TMEM68: variants seen among roughly 807,000 people sequenced by gnomAD.
TMEM68 encodes transmembrane protein 68.
In TMEM68, 25 loss-of-function variants were observed where a neutral mutation model predicts 36.9. The ratio of observed to expected loss-of-function variants is 0.68; its 90% CI spans 0.49 to 0.95. The LOEUF (loss-of-function observed/expected upper bound fraction) is 0.95, where lower values mean the gene tolerates loss of function less well. Ranked by LOEUF, TMEM68 falls within the 40% of genes least tolerant of loss-of-function variation. The pLI, the probability that TMEM68 is intolerant of heterozygous loss-of-function variation, is 0.00. For missense variants in TMEM68, 333 were observed against 392.0 expected, an observed-to-expected ratio of 0.85 and a Z score of 1.27; for synonymous variants, 131 against 124.4, an observed-to-expected ratio of 1.05 and a Z score of -0.35.
intron 6 of TMEM68, 56 bp downstream of exon 6, chr8:55,745,005 G>A (rs1312697654): frequency 1.7e-6 from 2 of 1,187,120 alleles, no homozygotes; most frequent in Non-Finnish European, 2.3e-6. Flanking sequence ...GGGTTCAACA[G>A]CCCAAATATT....
chr8:55,748,578 G>A (rs947939283), intron 5 of TMEM68, among the ~76,000 whole-genome samples: 2 of 151,804 alleles, frequency 1.3e-5, no homozygotes, highest in African/African-American at 2.4e-5. Flanking sequence ...AGGGAGGAAG[G>A]GGGGGAGAGA....
At chr8:55,757,692 C>A (rs1387767422) in intron 3 of TMEM68, among the ~76,000 whole-genome samples, 1 of 152,046 alleles carries the variant, frequency 6.6e-6, no homozygotes, top group Non-Finnish European at 1.5e-5. Flanking sequence ...CCTCACCAGC[C>A]CAGTGTCAGG....
chr8:55,767,083 CGTG>C lies in TMEM68; in HGVS notation c.-114-3106_-114-3104del, dbSNP rs1563440003. Among the ~76,000 whole-genome samples the C allele has an allele frequency of 2.2e-4, 16 of 72,380 alleles. 1 individual carries two copies. Among genetic ancestry groups the C allele is most frequent in the East Asian group, 4.3e-4 (1 of 2,326 alleles). The allele number at this position is 72,380 out of a possible 152,430, so 47.5% of individuals were successfully genotyped here. The stretch of plus-strand genomic sequence containing the variant: ...AATAGCATCTACCTAATAAGACTAT[CGTG>C]AAGATTACGTGTAAAAAAACCTAGC... On this transcript the variant is annotated intron_variant, in intron 1 of 7. Coordinates refer to ENST00000434581, the MANE Select transcript of TMEM68 (RefSeq NM_001286657.2).
At chr8:55,740,461 T>C (rs548446575) in intron 7 of TMEM68, among the ~76,000 whole-genome samples, 8 of 150,602 alleles carry the variant, frequency 5.3e-5, no homozygotes, top group South Asian at 2.1e-4. Context: ...CCACTGTGCC[T>C]GGCTGCAGCA....
chr8:55,742,387 T>C (rs1810127835), intron 7 of TMEM68, among the ~76,000 whole-genome samples: 2 of 152,176 alleles, frequency 1.3e-5, no homozygotes, highest in South Asian at 4.1e-4. Flanking sequence ...CATGTATGTG[T>C]TTTTACCATA....
intron 4 of TMEM68, among the ~76,000 whole-genome samples, chr8:55,755,654 T>C (rs117676501): frequency 0.031 from 4,725 of 151,916 alleles, 119 homozygotes; most frequent in Non-Finnish European, 0.052. Flanking sequence ...ACTCTAATTA[T>C]AACAAAATTA....
intron 4 of TMEM68, 158 bp from the exon 5 acceptor site, chr8:55,751,315 C>G (rs1810422314): frequency 1.5e-6 from 1 of 646,036 alleles, no homozygotes; most frequent in Non-Finnish European, 2.5e-6. Flanking sequence ...TTAACTTAAG[C>G]TTGATATTAA....
At chr8:55,758,291 ACC>A (rs1810669693) in intron 3 of TMEM68, among the ~76,000 whole-genome samples, 1 of 152,142 alleles carries the variant, frequency 6.6e-6, no homozygotes, top group African/African-American at 2.4e-5. Context: ...CCTCCAACCG[ACC>A]ACCAATGGCC....
intron 1 of TMEM68, among the ~76,000 whole-genome samples, chr8:55,767,260 T>C (rs564908325): frequency 2.0e-5 from 3 of 152,322 alleles, no homozygotes; most frequent in South Asian, 2.1e-4. Context: ...CTATCATCAT[T>C]ATTATTCACT....
At chr8:55,741,963 C>T (rs968231203) in intron 7 of TMEM68, among the ~76,000 whole-genome samples, 10 of 151,928 alleles carry the variant, frequency 6.6e-5, no homozygotes, top group African/African-American at 1.7e-4. Context: ...GGCTGAGATA[C>T]GACAATCACT....
intron 3 of TMEM68, among the ~76,000 whole-genome samples, chr8:55,757,272 T>C (rs1479864681): frequency 6.6e-6 from 1 of 152,074 alleles, no homozygotes; most frequent in Non-Finnish European, 1.5e-5. Context: ...GATAAACCCC[T>C]CTAAGGAAAG....
intron 3 of TMEM68, among the ~76,000 whole-genome samples, chr8:55,759,406 A>G (rs1181243063): frequency 6.6e-6 from 1 of 151,948 alleles, no homozygotes; most frequent in Non-Finnish European, 1.5e-5. Flanking sequence ...CCCCATCTCT[A>G]CTAAAAATAC....
chr8:55,753,995 G>A (rs1384289956), intron 4 of TMEM68, among the ~76,000 whole-genome samples: 2 of 152,212 alleles, frequency 1.3e-5, no homozygotes, highest in Non-Finnish European at 2.9e-5. Context: ...GGGAGGCTGA[G>A]GCAGGAGAAT....
chr8:55,755,086 G>C (rs10808899), intron 4 of TMEM68, among the ~76,000 whole-genome samples: 127,966 of 149,054 alleles, frequency 0.86, 55,109 homozygotes, highest in East Asian at 0.99. Flanking sequence ...ATCACTTGAG[G>C]CCAGGAATTT....
chr8:55,748,494 C>T (rs1328866809), intron 5 of TMEM68, among the ~76,000 whole-genome samples: 2 of 134,610 alleles, frequency 1.5e-5, no homozygotes, highest in Non-Finnish European at 3.1e-5. Flanking sequence ...AATTCAATTG[C>T]TTACATATAT....
intron 3 of TMEM68, among the ~76,000 whole-genome samples, chr8:55,759,113 T>C (rs984308431): frequency 1.3e-5 from 2 of 151,914 alleles, no homozygotes; most frequent in African/African-American, 4.8e-5. Context: ...CATAAAATAA[T>C]TCATCAATAA....
At chr8:55,759,187 A>C (rs1810695637) in intron 3 of TMEM68, among the ~76,000 whole-genome samples, 1 of 150,478 alleles carries the variant, frequency 6.6e-6, no homozygotes, top group Non-Finnish European at 1.5e-5. Context: ...TGGGAGGCCA[A>C]GGCAGGAGGA....
At chr8:55,740,873 T>C (rs1810080313) in intron 7 of TMEM68, among the ~76,000 whole-genome samples, 1 of 152,158 alleles carries the variant, frequency 6.6e-6, no homozygotes, top group Non-Finnish European at 1.5e-5. Flanking sequence ...TACATACATA[T>C]ATACTTCCTT....
intron 7 of TMEM68, among the ~76,000 whole-genome samples, chr8:55,743,144 CCAT>C (rs1358149994): frequency 1.3e-5 from 2 of 152,146 alleles, no homozygotes; most frequent in Non-Finnish European, 2.9e-5. Flanking sequence ...ACTGAAATCT[CCAT>C]CATCAATTCT....
Sources: gnomAD v4.1 joint callset for allele counts (sites outside exome capture counted in the v4.1 genomes callset) on GRCh38, gnomAD v4.1.1 for gene constraint, MANE v1.5 for transcripts, NCBI Gene and HGNC (gene_info 2026-07-23, HGNC 2026-07-21) for gene names.